KCNMB2: variants seen among roughly 807,000 people sequenced by gnomAD.
KCNMB2 encodes potassium calcium-activated channel subfamily M regulatory beta subunit 2, also known as calcium-activated potassium channel subunit beta-2.
A neutral mutation model predicts 24.5 loss-of-function variants in KCNMB2; 9 were observed. The ratio of observed to expected loss-of-function variants is 0.37; its 90% CI spans 0.22 to 0.64. The LOEUF is 0.64. Ranked by LOEUF, KCNMB2 falls within the 30% of genes least tolerant of loss-of-function variation. The pLI, the probability that KCNMB2 is intolerant of heterozygous loss-of-function variation, is 0.63. For synonymous variants in KCNMB2, 109 were observed against 104.4 expected (o/e 1.04, Z -0.27); for missense variants, 226 against 284.3 (o/e 0.79, Z 1.47).
chr3:178,801,881 A>C lies in KCNMB2; in HGVS notation c.-67-5462A>C, dbSNP rs1030156519. On this transcript the variant is annotated intron_variant, in intron 1 of 4. Transcript: ENST00000452583. The stretch of plus-strand genomic sequence containing the variant: ...TTATTCTGACTCTTCCATGGACTGC[A>C]CTCCTTAGAAGCAGGTCTGAATGTT... 3 of 152,094 alleles carry C rather than the reference A, an allele frequency of 2.0e-5. No homozygotes were observed. The East Asian group carries it at 5.8e-4, about 29-fold the overall frequency. 9.4% of individuals were successfully genotyped at this position (152,094 alleles called of 1,614,324 possible).
intron 1 of KCNMB2, among the ~76,000 whole-genome samples, chr3:178,745,620 T>C (rs1464974840): frequency 2.0e-5 from 3 of 152,034 alleles, no homozygotes; most frequent in Non-Finnish European, 2.9e-5. Context: ...CAGTCCAAAG[T>C]CTCATCTGAA....
chr3:178,705,406 G>A (rs1315993996), intron 1 of KCNMB2, among the ~76,000 whole-genome samples: 7 of 152,138 alleles, frequency 4.6e-5, no homozygotes, highest in African/African-American at 7.2e-5. Context: ...CTCTTAGGTC[G>A]TTCCATAGGC....
chr3:178,552,529 C>T (rs1263571035), intron 1 of KCNMB2, among the ~76,000 whole-genome samples: 1 of 151,952 alleles, frequency 6.6e-6, no homozygotes, highest in Non-Finnish European at 1.5e-5. Context: ...GCTTTATTTC[C>T]TTTCTGTCTC....
At chr3:178,744,348 G>T (rs1029266692) in intron 1 of KCNMB2, among the ~76,000 whole-genome samples, 1 of 152,084 alleles carries the variant, frequency 6.6e-6, no homozygotes, top group Non-Finnish European at 1.5e-5. Context: ...TTCAACAAAA[G>T]GTCATTTTTC....
At chr3:178,732,900 C>T (rs1723198939) in intron 1 of KCNMB2, among the ~76,000 whole-genome samples, 1 of 152,126 alleles carries the variant, frequency 6.6e-6, no homozygotes, top group Non-Finnish European at 1.5e-5. Flanking sequence ...ACGAGGCTAT[C>T]TTACAAATGT....
intron 1 of KCNMB2, among the ~76,000 whole-genome samples, chr3:178,659,046 CA>C (rs1720438337): frequency 6.6e-6 from 1 of 152,224 alleles, no homozygotes; most frequent in South Asian, 2.1e-4. Context: ...AGAAGATGCA[CA>C]TTTCCTTCTG....
At chr3:178,665,759 T>C (rs1720695698) in intron 1 of KCNMB2, among the ~76,000 whole-genome samples, 1 of 152,186 alleles carries the variant, frequency 6.6e-6, no homozygotes, top group African/African-American at 2.4e-5. Context: ...GTACAGTTTA[T>C]CTTCCAGAAT....
In KCNMB2 at chr3:178,577,562, C is replaced by G. The variant is rs180692047; in HGVS notation, c.-68+40851C>G. Among the ~76,000 whole-genome samples the G allele has an allele frequency of 3.2e-4, 49 of 152,266 alleles. No homozygotes were observed. In the South Asian group the frequency reaches 1.0e-2, roughly 31 times the overall value. ...GTAGGCTTCAGAAGGTGGGTAATAA[C>G]AAACTCCTCCGAGCTAAAGGAGCAC... On this transcript the variant is annotated intron_variant, in intron 1 of 4. Coordinates refer to ENST00000452583, the MANE Select transcript of KCNMB2 (RefSeq NM_181361.3).
chr3:178,794,073 G>A (rs925717211), intron 1 of KCNMB2, among the ~76,000 whole-genome samples: 4 of 152,044 alleles, frequency 2.6e-5, no homozygotes, highest in Admixed American at 1.3e-4. Flanking sequence ...GATATTACAC[G>A]GTTGCAAAGC....
At chr3:178,801,120 C>A (rs767339378) in intron 1 of KCNMB2, among the ~76,000 whole-genome samples, 1 of 151,908 alleles carries the variant, frequency 6.6e-6, no homozygotes, top group Admixed American at 6.6e-5. Context: ...TTTAATAGCA[C>A]AACAGGGTGA....
intron 1 of KCNMB2, among the ~76,000 whole-genome samples, chr3:178,678,329 A>G (rs908768109): frequency 6.6e-6 from 1 of 152,174 alleles, no homozygotes; most frequent in Non-Finnish European, 1.5e-5. Context: ...ATGGCCTCAG[A>G]TCCCATTTAT....
chr3:178,751,774 C>T (rs1283381852), intron 1 of KCNMB2, among the ~76,000 whole-genome samples: 6 of 152,142 alleles, frequency 3.9e-5, no homozygotes, highest in Non-Finnish European at 8.8e-5. Flanking sequence ...GACTGGATGG[C>T]TCATGCCAAG....
intron 1 of KCNMB2, among the ~76,000 whole-genome samples, chr3:178,605,646 A>C (rs1232575858): frequency 6.6e-6 from 1 of 152,184 alleles, no homozygotes; most frequent in Non-Finnish European, 1.5e-5. Flanking sequence ...TAGACATATA[A>C]ACAGCAAAAG....
intron 4 of KCNMB2, 31 bp downstream of exon 4, chr3:178,828,404 C>A (rs746572663): frequency 2.6e-6 from 4 of 1,525,304 alleles, no homozygotes; most frequent in Non-Finnish European, 9.0e-7. Context: ...ATTTCAGTTA[C>A]CCCACAGAGC....
At chr3:178,797,213 A>T (rs968898739) in intron 1 of KCNMB2, among the ~76,000 whole-genome samples, 1 of 152,160 alleles carries the variant, frequency 6.6e-6, no homozygotes, top group Non-Finnish European at 1.5e-5. Context: ...GAATAGACCA[A>T]TAATAAGTAA....
At chr3:178,620,509 T>C (rs1478376529) in intron 1 of KCNMB2, among the ~76,000 whole-genome samples, 1 of 152,220 alleles carries the variant, frequency 6.6e-6, no homozygotes, top group Non-Finnish European at 1.5e-5. Flanking sequence ...CAGTGTCTGG[T>C]GAGGACTTGC....
chr3:178,603,339 A>G (rs1718159101), intron 1 of KCNMB2, among the ~76,000 whole-genome samples: 1 of 152,216 alleles, frequency 6.6e-6, no homozygotes, highest in African/African-American at 2.4e-5. Flanking sequence ...ACAGAGACAC[A>G]GGTCAGGGAT....
At chr3:178,548,135 A>G (rs1213858251) in intron 1 of KCNMB2, among the ~76,000 whole-genome samples, 1 of 152,106 alleles carries the variant, frequency 6.6e-6, no homozygotes, top group African/African-American at 2.4e-5. Flanking sequence ...CTCTACCCTC[A>G]TATTTTTCAA....
rs1047591641 is a variant in KCNMB2, at chr3:178,832,731, A to G, written c.423+4358A>G. Among the ~76,000 whole-genome samples, 9 of 80,702 alleles carry G rather than the reference A, an allele frequency of 1.1e-4. 3 individuals are homozygous for G. The highest frequency in any genetic ancestry group is 0.013 in the Middle Eastern group (2 of 154). 52.9% of individuals were successfully genotyped at this position (80,702 alleles called of 152,430 possible). On this transcript the variant is annotated intron_variant, in intron 4 of 4. Coordinates refer to ENST00000452583, the MANE Select transcript of KCNMB2 (RefSeq NM_181361.3). The stretch of plus-strand genomic sequence containing the variant: ...GTTAAACCCATCCATTGAGTCCTTA[A>G]TTTCTCTTACTGTATTTTCAATTCT...
Sources: allele counts gnomAD v4.1 joint callset (sites outside exome capture counted in the v4.1 genomes callset), GRCh38; gene constraint gnomAD v4.1.1; transcripts MANE v1.5; gene names NCBI Gene and HGNC (gene_info 2026-07-23, HGNC 2026-07-21).